Variants in MGAT4C observed in about 807,000 individuals in gnomAD.
The protein encoded by MGAT4C is MGAT4 family member C.
In MGAT4C, 19 loss-of-function variants were observed where a neutral mutation model predicts 40.1. The ratio of observed to expected loss-of-function variants is 0.47; its 90% CI spans 0.33 to 0.70. The LOEUF is 0.70. Ranked by LOEUF, MGAT4C falls within the 30% of genes least tolerant of loss-of-function variation. The pLI is 0.02. For missense variants in MGAT4C, 491 were observed against 563.2 expected, an observed-to-expected ratio of 0.87 and a Z score of 1.30; for synonymous variants, 181 against 187.1, an observed-to-expected ratio of 0.97 and a Z score of 0.27.
chr12:86,216,638 A>G (rs532160809), intron 1 of MGAT4C, among the ~76,000 whole-genome samples: 29 of 152,210 alleles, frequency 1.9e-4, no homozygotes, highest in Non-Finnish European at 3.8e-4. Context: ...AATATTGCCA[A>G]ATTAAAATGT....
chr12:86,315,675 C>T (rs1228618882), intron 4 of MGAT4C, among the ~76,000 whole-genome samples: 3 of 152,220 alleles, frequency 2.0e-5, no homozygotes, highest in Non-Finnish European at 4.4e-5. Context: ...CCCTGCACTC[C>T]AGCCTGGGGG....
intron 1 of MGAT4C, among the ~76,000 whole-genome samples, chr12:86,125,578 C>G (rs915837265): frequency 6.6e-6 from 1 of 151,942 alleles, no homozygotes; most frequent in Non-Finnish European, 1.5e-5. Flanking sequence ...AGTAAAACTA[C>G]TAGACATATG....
intron 1 of MGAT4C, among the ~76,000 whole-genome samples, chr12:86,177,307 T>G (rs1887558665): frequency 6.6e-6 from 1 of 152,202 alleles, no homozygotes; most frequent in East Asian, 1.9e-4. Flanking sequence ...TAGGATATTC[T>G]CATACTAATC....
chr12:86,295,876 C>T (rs1953657136), intron 4 of MGAT4C, among the ~76,000 whole-genome samples: 1 of 151,436 alleles, frequency 6.6e-6, no homozygotes, highest in Non-Finnish European at 1.5e-5. Context: ...GGTGCATTCA[C>T]AAACCTTGAG....
At chr12:86,654,721 CT>C (rs35738979) in intron 2 of MGAT4C, among the ~76,000 whole-genome samples, 18,455 of 143,510 alleles carry the variant, frequency 0.13, 1,820 homozygotes, top group African/African-American at 0.29. Context: ...TTCCCTGTAC[CT>C]TTTTTTTTTT....
chr12:86,501,223 G>C (rs1163421175), intron 2 of MGAT4C, among the ~76,000 whole-genome samples: 1 of 151,990 alleles, frequency 6.6e-6, no homozygotes, highest in Non-Finnish European at 1.5e-5. Flanking sequence ...ATATTAAAAA[G>C]AGAAGAAGAG....
chr12:86,203,751 A>G (rs1169389053), intron 1 of MGAT4C, among the ~76,000 whole-genome samples: 1 of 151,862 alleles, frequency 6.6e-6, no homozygotes, highest in African/African-American at 2.4e-5. Flanking sequence ...TGAGGTCAGG[A>G]GTTTGAGACC....
At chr12:86,582,296 TG>T (rs1960815804) in intron 2 of MGAT4C, among the ~76,000 whole-genome samples, 1 of 151,356 alleles carries the variant, frequency 6.6e-6, no homozygotes, top group Admixed American at 6.6e-5. Context: ...ACTTTGAATG[TG>T]AAATGATGAG....
chr12:86,428,342 A>G (rs906605997), intron 3 of MGAT4C, among the ~76,000 whole-genome samples: 3 of 152,144 alleles, frequency 2.0e-5, no homozygotes, highest in African/African-American at 4.8e-5. Flanking sequence ...ATTCTTAACC[A>G]TGTATCTACA....
rs996894218 is a variant in MGAT4C at position 86,596,180 on chromosome 12, G to C, written c.-229+131029C>G. On this transcript the variant is annotated intron_variant, in intron 2 of 7. Coordinates refer to the MGAT4C transcript ENST00000548651. Reference sequence around the variant, plus strand: ...ACTTTTTTATGTTTTATAATTATGAGATAAATAAAATCACGGATTAAAATA... The same window carrying C: ...ACTTTTTTATGTTTTATAATTATGACATAAATAAAATCACGGATTAAAATA... Among the ~76,000 whole-genome samples the C allele has an allele frequency of 2.1e-5, 3 of 144,996 alleles. No homozygotes were observed. In the Admixed American group the frequency reaches 2.2e-4, roughly 11 times the overall value.
At chr12:86,622,540 A>G (rs1962672593) in intron 2 of MGAT4C, among the ~76,000 whole-genome samples, 3 of 152,176 alleles carry the variant, frequency 2.0e-5, no homozygotes, top group Admixed American at 2.0e-4. Context: ...TAAAACACTA[A>G]CAAATATTAT....
At chr12:86,114,973 T>G (rs1158418013) in intron 1 of MGAT4C, among the ~76,000 whole-genome samples, 2 of 151,954 alleles carry the variant, frequency 1.3e-5, no homozygotes, top group East Asian at 3.9e-4. Context: ...GCGGACAACC[T>G]AACAGAATTC....
chr12:85,966,712 T>C lies in MGAT4C; in HGVS notation c.*12577A>G, dbSNP rs1344183791. 2 of 152,098 alleles carry C rather than the reference T, an allele frequency of 1.3e-5. No individual in the cohort carries two copies. The highest frequency in any genetic ancestry group is 6.6e-5 in the Admixed American group (1 of 15,258). 9.4% of individuals were successfully genotyped at this position (152,098 alleles called of 1,614,324 possible). A position where few individuals can be genotyped will look rare whatever the true frequency, so the allele number is the denominator to read the frequency against. ...GGCACATATACACCATGGAATACTATGCAGCCATAAAAAATGATGAGTTCA... is the reference window on the plus strand; with the variant it reads ...GGCACATATACACCATGGAATACTACGCAGCCATAAAAAATGATGAGTTCA... On this transcript the variant is annotated 3_prime_UTR_variant, in exon 5 of 5. Coordinates refer to ENST00000611864, the MANE Select transcript of MGAT4C (RefSeq NM_001351288.2).
At chr12:86,180,569 C>T (rs894831099) in intron 1 of MGAT4C, among the ~76,000 whole-genome samples, 7 of 152,118 alleles carry the variant, frequency 4.6e-5, no homozygotes, top group African/African-American at 1.7e-4. Flanking sequence ...ACTATGGGAA[C>T]CCACCTCTTG....
chr12:86,349,742 T>C (rs572068864), intron 3 of MGAT4C, among the ~76,000 whole-genome samples: 2 of 152,258 alleles, frequency 1.3e-5, no homozygotes, highest in South Asian at 4.1e-4. Flanking sequence ...CAGTTTTGTT[T>C]TGTTTTAACT....
At chr12:86,262,999 TAA>T (rs147233722) in intron 4 of MGAT4C, among the ~76,000 whole-genome samples, 2,268 of 152,140 alleles carry the variant, frequency 0.015, 31 homozygotes, top group African/African-American at 0.035. Flanking sequence ...TATTTTCTAT[TAA>T]AAGAGTGATT....
chr12:86,309,256 G>T (rs1431122909), intron 4 of MGAT4C, among the ~76,000 whole-genome samples: 2 of 141,198 alleles, frequency 1.4e-5, no homozygotes, highest in East Asian at 4.2e-4. Flanking sequence ...CTGGACGCAA[G>T]CAAGTGTATT....
At chr12:86,315,431 G>A (rs891933439) in intron 4 of MGAT4C, among the ~76,000 whole-genome samples, 4 of 152,110 alleles carry the variant, frequency 2.6e-5, no homozygotes, top group Non-Finnish European at 4.4e-5. Flanking sequence ...GGCCGGGCGC[G>A]GTGGCTCACG....
intron 2 of MGAT4C, among the ~76,000 whole-genome samples, chr12:86,510,650 A>G (rs1264370869): frequency 6.6e-6 from 1 of 152,158 alleles, no homozygotes; most frequent in Non-Finnish European, 1.5e-5. Context: ...AGGAAGATCT[A>G]CCAAGCAAAT....
Sources: gnomAD v4.1 joint callset for allele counts (sites outside exome capture counted in the v4.1 genomes callset) on GRCh38, gnomAD v4.1.1 for gene constraint, MANE v1.5 for transcripts, NCBI Gene and HGNC (gene_info 2026-07-23, HGNC 2026-07-21) for gene names.